The following IL22 variants were observed in gnomAD, a reference collection of about 807,000 sequenced individuals.
IL22 encodes the protein interleukin 22, also known as interleukin-22.
Under a neutral mutation model 15.5 loss-of-function variants are expected in IL22, and 15 were observed. The observed-to-expected ratio is 0.97, with a 90% CI of 0.65 to 1.49. The LOEUF (loss-of-function observed/expected upper bound fraction) is 1.49. Ranked by LOEUF, IL22 falls within the 40% of genes most tolerant of loss-of-function variation. IL22 has a pLI of 0.00. For missense variants in IL22, 225 were observed against 215.4 expected, an observed-to-expected ratio of 1.04 and a Z score of -0.28; for synonymous variants, 91 against 82.0, an observed-to-expected ratio of 1.11 and a Z score of -0.60.
At position 68,253,361 on chromosome 12, in the gene IL22, C is replaced by T. The variant is rs144734266; in HGVS notation, c.88G>A (p.Gly30Arg). 1,960 of 1,613,562 alleles carry T rather than the reference C, an allele frequency of 1.2e-3. 2 individuals are homozygous for T. Among genetic ancestry groups the T allele is most frequent in the Non-Finnish European group, 1.4e-3 (1,608 of 1,179,776 alleles). The change falls in exon 2 of 6, where the codon GGA becomes AGA. Residue 30 changes from glycine (G) to arginine (R), a missense_variant. Transcript: ENST00000538666. ...GAGCTGATGGGCGCAGCTGCTCCTC[C>T]CTGTACCAAGAGGGCCAAGAGAAGG... is the stretch of plus-strand genomic sequence containing the variant. Reference protein sequence around the residue: ...CLLLLALLVQGGAAAPISSHC... With the variant: ...CLLLLALLVQRGAAAPISSHC...
At chr12:68,252,250 TC>T (rs1453531045) in intron 4 of IL22, among the ~76,000 whole-genome samples, 2 of 152,164 alleles carry the variant, frequency 1.3e-5, no homozygotes, top group Admixed American at 6.5e-5. Context: ...TTGCCTTTTT[TC>T]CGAAGACAAA....
At chr12:68,249,795 C>T (rs917993831) in intron 5 of IL22, among the ~76,000 whole-genome samples, 5 of 152,142 alleles carry the variant, frequency 3.3e-5, no homozygotes, top group Admixed American at 6.5e-5. Flanking sequence ...CAAGAAAAAC[C>T]TTGTCACCAT....
chr12:68,251,117 C>T (rs887518645), intron 5 of IL22, among the ~76,000 whole-genome samples: 2 of 152,136 alleles, frequency 1.3e-5, no homozygotes, highest in Non-Finnish European at 2.9e-5. Flanking sequence ...TAAACAAGTA[C>T]TTCTTCAGAT....
At chr12:68,251,448 A>G (rs1869927300) in intron 5 of IL22, 65 bp downstream of exon 5, 2 of 1,184,256 alleles carry the variant, frequency 1.7e-6, no homozygotes, top group Non-Finnish European at 2.5e-6. Flanking sequence ...GAAGAAAGAA[A>G]GGAAAGAAAA....
At chr12:68,252,408 T>G in intron 4 of IL22, 96 bp downstream of exon 4, 3 of 1,221,928 alleles carry the variant, frequency 2.5e-6, no homozygotes, top group Non-Finnish European at 2.4e-6. Context: ...CCTGCTAGCT[T>G]AGGGGTAGGG....
intron 5 of IL22, among the ~76,000 whole-genome samples, chr12:68,251,271 C>G (rs1179251): frequency 0.18 from 27,637 of 152,014 alleles, 3,856 homozygotes; most frequent in African/African-American, 0.37. Context: ...TCCCCAGAAT[C>G]TGAGGTTATG....
rs773379645 is a variant in IL22, at chr12:68,252,745, C to T, written c.252+19G>A. The T allele has an allele frequency of 1.2e-6, 2 of 1,613,308 alleles. No homozygotes were observed. The highest frequency in any genetic ancestry group is 1.7e-5 in the Admixed American group (1 of 60,012). On this transcript the variant is annotated intron_variant, in intron 3 of 5. Transcript: ENST00000538666. Reference sequence around the variant, plus strand: ...CCCATGGACGGCACACGGCCCTGTTCGTCACAACTGTAGCTTACACTGACT... The same window carrying T: ...CCCATGGACGGCACACGGCCCTGTTTGTCACAACTGTAGCTTACACTGACT...
chr12:68,248,616 T>C lies in IL22; in HGVS notation c.*183A>G. 1 of 571,744 alleles carries C rather than the reference T, an allele frequency of 1.7e-6. No homozygotes were observed. 35.4% of individuals were successfully genotyped at this position (571,744 alleles called of 1,614,324 possible). A position where few individuals can be genotyped will look rare whatever the true frequency, so the allele number is the denominator to read the frequency against. Reference sequence around the variant, plus strand: ...GCTTAGAAAGTCTACCTTCTGGTCTTATAAACAAAAGTGGCATTGGTTTCC... The same window carrying C: ...GCTTAGAAAGTCTACCTTCTGGTCTCATAAACAAAAGTGGCATTGGTTTCC... On this transcript the variant is annotated 3_prime_UTR_variant, in exon 6 of 6. Coordinates refer to ENST00000538666, the MANE Select transcript of IL22 (RefSeq NM_020525.5).
At chr12:68,252,684 A>T in intron 3 of IL22, 37 bp from the exon 4 acceptor site, 1 of 1,613,224 alleles carries the variant, frequency 6.2e-7, no homozygotes, top group Non-Finnish European at 8.5e-7. Context: ...GTCATAAGGG[A>T]TAAGACCTAA....
intron 4 of IL22, among the ~76,000 whole-genome samples, chr12:68,251,864 G>A (rs1269478897): frequency 6.6e-6 from 1 of 152,080 alleles, no homozygotes; most frequent in Non-Finnish European, 1.5e-5. Context: ...ATTCTGTAAG[G>A]AATAAAACCT....
rs901683011 is a variant in IL22 at position 68,252,446 on chromosome 12, G to A, written c.396+58C>T. On this transcript the variant is annotated intron_variant, in intron 4 of 5. Transcript: ENST00000538666. ...AAGGAGAGAGAGTTGGGGTAAGGGG[G>A]TCTCTGTGGAAGGAGGGAAGGAGGG... 19 of 1,576,028 alleles carry A rather than the reference G, an allele frequency of 1.2e-5. No individual in the cohort carries two copies. The African/African-American group carries it at 1.9e-4, about 16-fold the overall frequency.
At chr12:68,252,371 G>A in intron 4 of IL22, 133 bp downstream of exon 4, 1 of 864,658 alleles carries the variant, frequency 1.2e-6, no homozygotes. Context: ...AATGACTCCT[G>A]ATAACACTGC....
intron 5 of IL22, among the ~76,000 whole-genome samples, chr12:68,250,892 C>T (rs551346246): frequency 3.3e-5 from 5 of 152,092 alleles, no homozygotes; most frequent in Non-Finnish European, 5.9e-5. Flanking sequence ...TAAAAGAGAT[C>T]GGGGTTGTCT....
chr12:68,252,790 C>G lies in IL22; in HGVS notation c.226G>C (p.Gly76Arg), dbSNP rs767767851. The G allele has an allele frequency of 6.2e-7, 1 of 1,613,936 alleles. No individual in the cohort carries two copies. Among genetic ancestry groups the G allele is most frequent in the Non-Finnish European group, 8.5e-7 (1 of 1,179,894 alleles). ...CTGACTCCGTGGAACAGTTTCTCCC[C>G]AATGAGACGAACGTCTGTGTTGTTA... ...ADNNTDVRLI[G>R]EKLFHGVSMS... The change falls in exon 3 of 6, where the codon GGG becomes CGG. Residue 76 changes from glycine (G) to arginine (R), a missense_variant. Gly to Arg is a moderately radical substitution (Grantham distance 125). Coordinates refer to ENST00000538666, the MANE Select transcript of IL22 (RefSeq NM_020525.5).
At chr12:68,252,305 A>G (rs947180993) in intron 4 of IL22, among the ~76,000 whole-genome samples, 199 bp downstream of exon 4, 5 of 152,038 alleles carry the variant, frequency 3.3e-5, no homozygotes, top group African/African-American at 9.7e-5. Context: ...CCCATTCACC[A>G]CTATAAACTC....
chr12:68,251,513 CT>C lies in IL22; in HGVS notation c.461del (p.Lys154SerfsTer21). 1.2e-6 allele frequency: 2 copies of C among 1,606,168 alleles called. No homozygotes were observed. The highest frequency in any genetic ancestry group is 1.7e-6 in the Non-Finnish European group (2 of 1,172,848). On this transcript the variant is annotated frameshift_variant and splice_region_variant, in exon 5 of 6. Transcript: ENST00000538666. LOFTEE classifies it high-confidence loss of function. ...TAGCATTGACAGTTATCAGTCCTAC[CT>C]TTTTCACTGTGTCCTTCAGCTTTTG... Reference protein sequence around the residue: ...NVQKLKDTVKKLGESGEIKAI... With the variant: ...NVQKLKDTVKXLGESGEIKAI...
At chr12:68,252,315 C>A (rs1869959290) in intron 4 of IL22, among the ~76,000 whole-genome samples, 189 bp downstream of exon 4, 1 of 152,128 alleles carries the variant, frequency 6.6e-6, no homozygotes, top group South Asian at 2.1e-4. Context: ...ACTATAAACT[C>A]AAGATGTGAC....
chr12:68,252,413 G>T, intron 4 of IL22, 91 bp downstream of exon 4: 2 of 1,293,294 alleles, frequency 1.5e-6, no homozygotes, highest in South Asian at 2.5e-5. Flanking sequence ...TAGCTTAGGG[G>T]TAGGGGGAAG....
Position 68,251,525 on chromosome 12 carries a change from G to A in IL22, c.450C>T (p.Asp150=). Residue 150 remains aspartate, a synonymous_variant, in exon 5 of 6, where the codon GAC becomes GAT. Coordinates refer to ENST00000538666, the MANE Select transcript of IL22 (RefSeq NM_020525.5). Reference sequence around the variant, plus strand: ...TTATCAGTCCTACCTTTTTCACTGTGTCCTTCAGCTTTTGCACATTCCTCT... The same window carrying A: ...TTATCAGTCCTACCTTTTTCACTGTATCCTTCAGCTTTTGCACATTCCTCT... ...HIQRNVQKLK[D]TVKKLGESGE... 3.7e-6 allele frequency: 6 copies of A among 1,610,572 alleles called. No individual in the cohort carries two copies. Among genetic ancestry groups the A allele is most frequent in the Non-Finnish European group, 5.1e-6 (6 of 1,176,906 alleles).
Sources: allele counts gnomAD v4.1 joint callset (sites outside exome capture counted in the v4.1 genomes callset), GRCh38; gene constraint gnomAD v4.1.1; transcripts MANE v1.5; gene names NCBI Gene and HGNC (gene_info 2026-07-23, HGNC 2026-07-21).